The following SAMD5 variants were observed in gnomAD, a reference collection of about 807,000 sequenced individuals.
The protein encoded by SAMD5 is sterile alpha motif domain containing 5, also known as sterile alpha motif domain-containing protein 5.
Under a neutral mutation model 11.3 loss-of-function variants are expected in SAMD5, and 13 were observed. That is an observed-to-expected ratio of 1.15 (90% CI 0.75 to 1.83). SAMD5 has a LOEUF of 1.83. Among genes scored for constraint, SAMD5 ranks in the 40% most tolerant of loss-of-function variants. The pLI, the probability that SAMD5 is intolerant of heterozygous loss-of-function variation, is 0.00. For synonymous variants in SAMD5, 129 were observed against 111.3 expected (o/e 1.16, Z -1.00); for missense variants, 255 against 239.1 (o/e 1.07, Z -0.44).
chr6:147,891,581 G>A, the SAMD5 span, among the ~76,000 whole-genome samples: 2 of 152,168 alleles, frequency 1.3e-5, no homozygotes, highest in Non-Finnish European at 2.9e-5. Flanking sequence ...TCCATTTGAG[G>A]ATAAGGGAAG....
chr6:147,630,064 C>T (rs1398372876), intron 1 of SAMD5, among the ~76,000 whole-genome samples: 3 of 151,764 alleles, frequency 2.0e-5, no homozygotes, highest in Non-Finnish European at 4.4e-5. Context: ...ATTCTCCTTC[C>T]TCAGCCTCCC....
At chr6:147,868,675 G>A in the SAMD5 span, among the ~76,000 whole-genome samples, 21 of 152,324 alleles carry the variant, frequency 1.4e-4, no homozygotes, top group Non-Finnish European at 2.6e-4. Flanking sequence ...TCTCAAGTCT[G>A]TGACAGTTAT....
downstream of SAMD5, among the ~76,000 whole-genome samples, chr6:147,574,777 G>A (rs1789194285): frequency 6.6e-6 from 1 of 152,042 alleles, no homozygotes; most frequent in African/African-American, 2.4e-5. Flanking sequence ...CTTTTATGAG[G>A]AACTTAATAC....
chr6:147,815,807 T>C, the SAMD5 span, among the ~76,000 whole-genome samples: 1 of 152,148 alleles, frequency 6.6e-6, no homozygotes, highest in Admixed American at 6.5e-5. Flanking sequence ...GTCAGTGTCC[T>C]ATGAGTTATC....
chr6:147,648,563 C>T (rs1790437336), intron 1 of SAMD5, among the ~76,000 whole-genome samples: 1 of 152,198 alleles, frequency 6.6e-6, no homozygotes, highest in African/African-American at 2.4e-5. Flanking sequence ...TGTCATCCTC[C>T]TTTTAGCTGA....
At chr6:147,690,964 CG>C (rs1411243762) in intron 1 of SAMD5, among the ~76,000 whole-genome samples, 2 of 100,572 alleles carry the variant, frequency 2.0e-5, no homozygotes, top group African/African-American at 7.8e-5. Context: ...TTCCAGCTCT[CG>C]GGTTTTTTTT....
the SAMD5 span, among the ~76,000 whole-genome samples, chr6:147,798,685 A>G: frequency 5.1e-4 from 77 of 152,026 alleles, no homozygotes; most frequent in Non-Finnish European, 9.1e-4. Flanking sequence ...GTCTCCCATT[A>G]TTAATGTGTG....
chr6:147,521,883 C>A (rs1329226215), intron 1 of SAMD5, among the ~76,000 whole-genome samples: 1 of 152,082 alleles, frequency 6.6e-6, no homozygotes, highest in Non-Finnish European at 1.5e-5. Context: ...TTTACTGTCA[C>A]AACCATTAAA....
At chr6:147,613,874 A>T (rs1789825704) in intron 1 of SAMD5, among the ~76,000 whole-genome samples, 1 of 151,938 alleles carries the variant, frequency 6.6e-6, no homozygotes, top group Non-Finnish European at 1.5e-5. Context: ...TCCGCCTCCC[A>T]GCTGCATTCA....
the SAMD5 span, among the ~76,000 whole-genome samples, chr6:147,927,238 G>A: frequency 3.3e-5 from 5 of 152,124 alleles, no homozygotes; most frequent in African/African-American, 4.8e-5. Flanking sequence ...CATTGAATCC[G>A]TAAATTGCTT....
At chr6:147,720,449 C>T (rs868230422) in intron 1 of SAMD5, among the ~76,000 whole-genome samples, 20 of 133,674 alleles carry the variant, frequency 1.5e-4, no homozygotes, top group Middle Eastern at 4.1e-3. Flanking sequence ...GGCGACAGAG[C>T]GAGACTCTGT....
At chr6:147,741,217 A>G (rs1358394202), downstream of SAMD5, among the ~76,000 whole-genome samples, 1 of 152,124 alleles carries the variant, frequency 6.6e-6, no homozygotes, top group Non-Finnish European at 1.5e-5. Context: ...AAACCCAAGA[A>G]TGAGCTCCCC....
At chr6:147,634,002 C>T (rs898135080) in intron 1 of SAMD5, among the ~76,000 whole-genome samples, 1 of 152,104 alleles carries the variant, frequency 6.6e-6, no homozygotes, top group African/African-American at 2.4e-5. Context: ...CCAACCCCAA[C>T]CCTCAGAAAC....
the SAMD5 span, among the ~76,000 whole-genome samples, chr6:147,909,614 T>TCTCTC: frequency 2.6e-5 from 2 of 77,272 alleles, no homozygotes; most frequent in African/African-American, 8.1e-5. Flanking sequence ...CTTTCTTTCT[T>TCTCTC]TCTTTCTTTC....
At chr6:147,685,246 G>T (rs1790992469) in intron 1 of SAMD5, among the ~76,000 whole-genome samples, 1 of 152,126 alleles carries the variant, frequency 6.6e-6, no homozygotes, top group Non-Finnish European at 1.5e-5. Context: ...ACTCAGGCTG[G>T]AGTGCAATGG....
the SAMD5 span, among the ~76,000 whole-genome samples, chr6:147,929,705 T>C: frequency 6.6e-6 from 1 of 152,166 alleles, no homozygotes; most frequent in East Asian, 1.9e-4. Flanking sequence ...TGTTGGCAAC[T>C]TATATTCTGC....
At chr6:147,520,409 G>A (rs974910745) in intron 1 of SAMD5, among the ~76,000 whole-genome samples, 8 of 152,030 alleles carry the variant, frequency 5.3e-5, no homozygotes, top group South Asian at 4.2e-4. Flanking sequence ...CGCCATGCCC[G>A]GTTGAGAACT....
At chr6:147,771,371 A>G in the SAMD5 span, among the ~76,000 whole-genome samples, 2 of 152,110 alleles carry the variant, frequency 1.3e-5, no homozygotes, top group Admixed American at 6.6e-5. Flanking sequence ...CCTGCTCTCT[A>G]TCCTTTCCCT....
the SAMD5 span, among the ~76,000 whole-genome samples, chr6:147,764,700 A>G: frequency 1.3e-5 from 2 of 152,200 alleles, no homozygotes; most frequent in African/African-American, 4.8e-5. Context: ...AGTTTCTCTT[A>G]CACCCATTTT....
Sources: gnomAD v4.1 joint callset for allele counts (sites outside exome capture counted in the v4.1 genomes callset) on GRCh38, gnomAD v4.1.1 for gene constraint, MANE v1.5 for transcripts, NCBI Gene and HGNC (gene_info 2026-07-23, HGNC 2026-07-21) for gene names.